The following DOCK2 variants were observed in gnomAD, a reference collection of about 807,000 sequenced individuals.
DOCK2 encodes the protein dedicator of cytokinesis 2.
Under a neutral mutation model 248.9 loss-of-function variants are expected in DOCK2, and 87 were observed. The ratio of observed to expected loss-of-function variants is 0.35; its 90% CI spans 0.29 to 0.42. The LOEUF (loss-of-function observed/expected upper bound fraction) is 0.42, where lower values mean the gene tolerates loss of function less well. DOCK2 is among the 10% of genes least tolerant of loss of function. The probability of loss-of-function intolerance (pLI) is 1.00; values close to 1 mark genes in which losing one functional copy is unlikely to be tolerated. For missense variants in DOCK2, 1,747 were observed against 2,300.2 expected, an observed-to-expected ratio of 0.76 and a Z score of 4.92; for synonymous variants, 805 against 821.6, an observed-to-expected ratio of 0.98 and a Z score of 0.35.
At chr5:170,051,290 C>T (rs1028257307) in intron 41 of DOCK2, among the ~76,000 whole-genome samples, 3 of 152,220 alleles carry the variant, frequency 2.0e-5, no homozygotes, top group African/African-American at 7.2e-5. Flanking sequence ...CATGATCTGA[C>T]CCCTGCCTGC....
chr5:169,821,323 T>G (rs868218425), intron 26 of DOCK2, among the ~76,000 whole-genome samples: 10 of 152,172 alleles, frequency 6.6e-5, no homozygotes, highest in Middle Eastern at 3.4e-3. Context: ...ATTGTCACAT[T>G]CACCAAAGTT....
At chr5:169,795,468 G>A (rs1318537514) in intron 25 of DOCK2, among the ~76,000 whole-genome samples, 1 of 152,200 alleles carries the variant, frequency 6.6e-6, no homozygotes, top group African/African-American at 2.4e-5. Flanking sequence ...AATGAGGCAT[G>A]TTTCTGGGGG....
intron 27 of DOCK2, among the ~76,000 whole-genome samples, chr5:169,851,129 T>A (rs1770599104): frequency 1.3e-5 from 2 of 152,218 alleles, no homozygotes; most frequent in Admixed American, 1.3e-4. Context: ...AGGCACTCAA[T>A]TCAAGCTATG....
At position 169,824,453 on chromosome 5, in the gene DOCK2, C is replaced by A. The variant is rs189745164; in HGVS notation, c.2704-16304C>A. Among the ~76,000 whole-genome samples, 640 of 152,270 alleles carry A rather than the reference C, an allele frequency of 4.2e-3. 6 individuals carry two copies. Among genetic ancestry groups the A allele is most frequent in the African/African-American group, 0.014 (575 of 41,532 alleles). On this transcript the variant is annotated intron_variant, in intron 26 of 51. Transcript: ENST00000520908. ...TAGACCAATAGAACAGAACAGAGCCCTCAGAAATAATACCACACATCTACA... is the reference window on the plus strand; with the variant it reads ...TAGACCAATAGAACAGAACAGAGCCATCAGAAATAATACCACACATCTACA...
At chr5:169,952,190 CA>C (rs1474156830) in intron 27 of DOCK2, among the ~76,000 whole-genome samples, 1 of 152,160 alleles carries the variant, frequency 6.6e-6, no homozygotes, top group Non-Finnish European at 1.5e-5. Flanking sequence ...CTCATCTTTG[CA>C]AATAAGAATT....
intron 25 of DOCK2, 117 bp downstream of exon 25, chr5:169,761,742 A>C: frequency 4.1e-6 from 3 of 726,248 alleles, no homozygotes; most frequent in Non-Finnish European, 6.8e-6. Context: ...CTCTTTTCTC[A>C]CAACTCCCTT....
At chr5:169,805,605 A>G (rs2113147777) in intron 26 of DOCK2, among the ~76,000 whole-genome samples, 1 of 152,324 alleles carries the variant, frequency 6.6e-6, no homozygotes, top group Middle Eastern at 3.4e-3. Context: ...CCCAGTTCAC[A>G]GTTATTTGTG....
chr5:169,855,133 G>A (rs903253377), intron 27 of DOCK2, among the ~76,000 whole-genome samples: 1 of 152,176 alleles, frequency 6.6e-6, no homozygotes, highest in Non-Finnish European at 1.5e-5. Context: ...TGCTCTTCTG[G>A]AAAATGGGGG....
intron 41 of DOCK2, among the ~76,000 whole-genome samples, chr5:170,053,566 G>A (rs915561496): frequency 3.9e-5 from 6 of 152,200 alleles, no homozygotes; most frequent in African/African-American, 1.4e-4. Context: ...CAGGGCCATA[G>A]TTTGCCAACC....
rs151045787 is a variant in DOCK2, at chr5:169,892,729, A to G, written c.2799+51877A>G. Among the ~76,000 whole-genome samples, 624 of 152,262 alleles carry G rather than the reference A, an allele frequency of 4.1e-3. 6 individuals carry two copies. Among genetic ancestry groups the G allele is most frequent in the African/African-American group, 0.014 (589 of 41,562 alleles). On this transcript the variant is annotated intron_variant, in intron 27 of 51. Coordinates refer to ENST00000520908, the MANE Select transcript of DOCK2 (RefSeq NM_004946.3). ...CTACCTTATCTTTCTTTTTTCAAAA[A>G]CATAATAAAATGTTTCAGGTGTGCA... is the stretch of plus-strand genomic sequence containing the variant.
intron 33 of DOCK2, among the ~76,000 whole-genome samples, chr5:170,026,097 C>G (rs1250973218): frequency 6.6e-6 from 1 of 152,064 alleles, no homozygotes; most frequent in Non-Finnish European, 1.5e-5. Context: ...TGTATCAGCA[C>G]AAGCTTTTGG....
chr5:169,883,231 G>T, intron 27 of DOCK2: 3 of 1,551,578 alleles, frequency 1.9e-6, no homozygotes, highest in Non-Finnish European at 2.6e-6. Flanking sequence ...TGACCTGTCT[G>T]GGCTGAGAGC....
At chr5:169,786,067 C>T (rs187279942) in intron 25 of DOCK2, among the ~76,000 whole-genome samples, 13 of 152,246 alleles carry the variant, frequency 8.5e-5, no homozygotes, top group Admixed American at 7.2e-4. Flanking sequence ...GACTGCATTT[C>T]CCAGTTCAGG....
chr5:169,711,380 G>T (rs1313209417), intron 15 of DOCK2, among the ~76,000 whole-genome samples: 1 of 152,182 alleles, frequency 6.6e-6, no homozygotes, highest in Non-Finnish European at 1.5e-5. Context: ...CCAGTGGGTT[G>T]TTGTCTTAGC....
intron 34 of DOCK2, 23 bp from the exon 35 acceptor site, chr5:170,034,376 C>G: frequency 6.2e-7 from 1 of 1,613,270 alleles, no homozygotes. Flanking sequence ...CATGAGCTCA[C>G]TGCCCTCTGG....
chr5:170,076,907 C>G (rs2113875635), intron 47 of DOCK2, among the ~76,000 whole-genome samples: 1 of 152,284 alleles, frequency 6.6e-6, no homozygotes, highest in South Asian at 2.1e-4. Context: ...GTTAGAAGCA[C>G]AGTCTTAGAC....
intron 26 of DOCK2, among the ~76,000 whole-genome samples, chr5:169,808,594 C>A (rs532590039): frequency 1.4e-4 from 22 of 152,036 alleles, no homozygotes; most frequent in Admixed American, 1.3e-3. Context: ...TTTTCTCCCC[C>A]CTCACTGAGC....
At chr5:170,042,156 C>T (rs747516197) in intron 38 of DOCK2, 24 bp downstream of exon 38, 50 of 1,590,008 alleles carry the variant, frequency 3.1e-5, no homozygotes, top group Admixed American at 1.2e-4. Flanking sequence ...GCCCACCCCC[C>T]GTGGGGACCC....
chr5:169,750,547 T>C (rs887960091), intron 23 of DOCK2, among the ~76,000 whole-genome samples: 2 of 152,236 alleles, frequency 1.3e-5, no homozygotes, highest in Non-Finnish European at 2.9e-5. Context: ...CTAATATGAT[T>C]ATTATGGTTT....
Sources: allele counts gnomAD v4.1 joint callset (sites outside exome capture counted in the v4.1 genomes callset), GRCh38; gene constraint gnomAD v4.1.1; transcripts MANE v1.5; gene names NCBI Gene and HGNC (gene_info 2026-07-23, HGNC 2026-07-21).